Variants in RAD50 observed in about 807,000 individuals in gnomAD.
RAD50 encodes RAD50 double strand break repair protein, also known as DNA repair protein RAD50.
RAD50 carries 132 observed loss-of-function variants against 168.8 expected under a neutral mutation model. The ratio of observed to expected loss-of-function variants is 0.78; its 90% CI spans 0.68 to 0.90. The LOEUF is 0.90. RAD50 is among the 40% of genes least tolerant of loss of function. The pLI is 0.00. For missense variants in RAD50, 1,347 were observed against 1,534.4 expected (o/e 0.88, Z 2.04); for synonymous variants, 525 against 497.4 (o/e 1.06, Z -0.74).
chr5:132,642,490 A>G lies in RAD50; in HGVS notation c.*126A>G. On this transcript the variant is annotated 3_prime_UTR_variant, in exon 25 of 25. Transcript: ENST00000378823. ...CTTTCAAAGGAACATTGTGTCTAGG[A>G]TTTTGGATGTTGAGAGGTTCTAAAA... is the stretch of plus-strand genomic sequence containing the variant. 2.1e-6 allele frequency: 2 copies of G among 951,916 alleles called. No individual in the cohort carries two copies. Among genetic ancestry groups the G allele is most frequent in the South Asian group, 3.4e-5 (2 of 59,276 alleles). The allele number at this position is 951,916 out of a possible 1,614,324, so 59.0% of individuals were successfully genotyped here. A position where few individuals can be genotyped will look rare whatever the true frequency, so the allele number is the denominator to read the frequency against.
intron 23 of RAD50, 119 bp from the exon 24 acceptor site, chr5:132,640,553 A>T (rs1751695327): frequency 2.9e-6 from 4 of 1,397,920 alleles, no homozygotes; most frequent in Non-Finnish European, 4.0e-6. Context: ...TGCTTTACCT[A>T]ACAGTGAACC....
rs757228098 is a variant in RAD50 at position 132,643,051 on chromosome 5, A to C, written c.*687A>C. On this transcript the variant is annotated 3_prime_UTR_variant, in exon 25 of 25. Transcript: ENST00000378823. ...TCTCTCTACAGAGAGGAAATTCTCCACTGTGCACACCCACCTTTGGAAAGC... is the reference window on the plus strand; with the variant it reads ...TCTCTCTACAGAGAGGAAATTCTCCCCTGTGCACACCCACCTTTGGAAAGC... 2 of 529,830 alleles carry C rather than the reference A, an allele frequency of 3.8e-6. No individual in the cohort carries two copies. The highest frequency in any genetic ancestry group is 7.6e-6 in the Non-Finnish European group (2 of 262,916). The allele number at this position is 529,830 out of a possible 1,614,324, so 32.8% of individuals were successfully genotyped here.
intron 1 of RAD50, among the ~76,000 whole-genome samples, chr5:132,558,929 C>T (rs559131330): frequency 3.9e-5 from 6 of 151,996 alleles, no homozygotes; most frequent in Non-Finnish European, 5.9e-5. Flanking sequence ...TTCCTACAGC[C>T]TGGAGTTAAT....
At chr5:132,588,573 G>A (rs1426625805) in intron 7 of RAD50, 114 bp from the exon 8 acceptor site, 1 of 1,091,420 alleles carries the variant, frequency 9.2e-7, no homozygotes, top group Non-Finnish European at 1.3e-6. Flanking sequence ...GGAGAAACTG[G>A]GCAAAATGTA....
chr5:132,617,782 C>T (rs978658705), intron 20 of RAD50, among the ~76,000 whole-genome samples: 3 of 152,178 alleles, frequency 2.0e-5, no homozygotes, highest in African/African-American at 7.2e-5. Context: ...GAGTGCTTTA[C>T]TTAGCGTCTA....
At chr5:132,609,526 A>G in intron 19 of RAD50, 130 bp downstream of exon 19, 1 of 1,437,616 alleles carries the variant, frequency 7.0e-7, no homozygotes, top group Non-Finnish European at 9.4e-7. Context: ...TCACACCTGT[A>G]ATCCCTGCAC....
At chr5:132,638,280 C>G in intron 23 of RAD50, 57 bp downstream of exon 23, 3 of 1,600,926 alleles carry the variant, frequency 1.9e-6, no homozygotes, top group Non-Finnish European at 2.6e-6. Flanking sequence ...AAGAGAGAAA[C>G]AAACATCAGT....
At chr5:132,572,708 G>A (rs1301195290) in intron 2 of RAD50, among the ~76,000 whole-genome samples, 8 of 152,052 alleles carry the variant, frequency 5.3e-5, no homozygotes, top group Non-Finnish European at 1.2e-4. Context: ...ACTTTATTTT[G>A]TAGATCAGCT....
chr5:132,589,843 A>C lies in RAD50; in HGVS notation c.1452+6A>C, dbSNP rs1750667641. The C allele has an allele frequency of 6.2e-7, 1 of 1,601,938 alleles. No individual in the cohort carries two copies. Among genetic ancestry groups the C allele is most frequent in the Non-Finnish European group, 8.5e-7 (1 of 1,170,210 alleles). ...ACCAGGAGCTCATAAAAGCTGTAAG[A>C]TATTGTTTGAATAATCTAATAATTT... On this transcript the variant is annotated splice_donor_region_variant and intron_variant, in intron 9 of 24. Coordinates refer to ENST00000378823, the MANE Select transcript of RAD50 (RefSeq NM_005732.4).
chr5:132,600,743 T>C (rs1326608012), intron 13 of RAD50, among the ~76,000 whole-genome samples: 1 of 152,146 alleles, frequency 6.6e-6, no homozygotes, highest in Non-Finnish European at 1.5e-5. Flanking sequence ...AGAAAAGGAA[T>C]GTTGTCTAAA....
chr5:132,560,441 T>G (rs1750105207), intron 2 of RAD50, among the ~76,000 whole-genome samples: 1 of 152,182 alleles, frequency 6.6e-6, no homozygotes, highest in Non-Finnish European at 1.5e-5. Context: ...ATTTAGTACA[T>G]TTACTGAGTC....
At chr5:132,588,586 A>C in intron 7 of RAD50, 101 bp from the exon 8 acceptor site, 3 of 1,219,030 alleles carry the variant, frequency 2.5e-6, no homozygotes, top group Non-Finnish European at 3.5e-6. Flanking sequence ...AAAATGTACA[A>C]GAGACACACT....
rs552199485 is a variant in RAD50, at chr5:132,631,138, T to C, written c.3390-5977T>C. Among the ~76,000 whole-genome samples the C allele has an allele frequency of 2.0e-4, 30 of 150,258 alleles. No individual in the cohort carries two copies. In the South Asian group the frequency reaches 6.3e-3, roughly 32 times the overall value. ...TCTCACTTTTTTTTTTTTTTTTTTTTAAGACAGAGTCTGGCTCTGTCACCC... is the reference window on the plus strand; with the variant it reads ...TCTCACTTTTTTTTTTTTTTTTTTTCAAGACAGAGTCTGGCTCTGTCACCC... On this transcript the variant is annotated intron_variant, in intron 21 of 24. Transcript: ENST00000378823.
intron 10 of RAD50, among the ~76,000 whole-genome samples, 160 bp from the exon 11 acceptor site, chr5:132,591,714 TCCC>T (rs1166527398): frequency 6.6e-6 from 1 of 152,136 alleles, no homozygotes; most frequent in African/African-American, 2.4e-5. Context: ...AGAAAGACCA[TCCC>T]CACTTGAAGA....
chr5:132,593,285 G>A (rs1204546692), intron 11 of RAD50: 1 of 163,098 alleles, frequency 6.1e-6, no homozygotes, highest in Admixed American at 5.9e-5. Flanking sequence ...TCTTAACCTT[G>A]TTAGTGCCTT....
At chr5:132,638,645 C>G (rs1219615256) in intron 23 of RAD50, among the ~76,000 whole-genome samples, 1 of 152,204 alleles carries the variant, frequency 6.6e-6, no homozygotes, top group Non-Finnish European at 1.5e-5. Flanking sequence ...AAACCAGATT[C>G]TAGCTTAAGC....
At chr5:132,634,883 G>A (rs1751544233) in intron 21 of RAD50, among the ~76,000 whole-genome samples, 2 of 151,726 alleles carry the variant, frequency 1.3e-5, no homozygotes, top group Admixed American at 1.3e-4. Flanking sequence ...CTTTCTTGTT[G>A]TAAACACTAC....
rs2240032 is a variant in RAD50, at chr5:132,641,435, C to T, written c.3752+630C>T. Among the ~76,000 whole-genome samples the T allele has an allele frequency of 0.18, 26,837 of 152,146 alleles. 2,629 individuals carry two copies. Among genetic ancestry groups the T allele is most frequent in the Middle Eastern group, 0.24 (71 of 292 alleles). On this transcript the variant is annotated intron_variant, in intron 24 of 24. Transcript: ENST00000378823. ...TGTTTCAGGCACTCCTGGCTCCAGA[C>T]AGTCCCTTTCTGGCAGAGAGGGCCA...
At chr5:132,592,935 A>T (rs1484755149) in intron 11 of RAD50, 1 of 469,304 alleles carries the variant, frequency 2.1e-6, no homozygotes, top group Non-Finnish European at 4.4e-6. Flanking sequence ...TTAATTTTTC[A>T]GTCAGAATTG....
Sources: allele counts gnomAD v4.1 joint callset (sites outside exome capture counted in the v4.1 genomes callset), GRCh38; gene constraint gnomAD v4.1.1; transcripts MANE v1.5; gene names NCBI Gene and HGNC (gene_info 2026-07-23, HGNC 2026-07-21).